NNT: variants seen among roughly 807,000 people sequenced by gnomAD.
NNT encodes NAD(P) transhydrogenase, mitochondrial.
A neutral mutation model predicts 104.8 loss-of-function variants in NNT; 50 were observed. The ratio of observed to expected loss-of-function variants is 0.48; its 90% CI spans 0.38 to 0.60. NNT has a LOEUF of 0.60. NNT is among the 20% of genes least tolerant of loss of function. The pLI is 0.00. For synonymous variants in NNT, 461 were observed against 490.4 expected, an observed-to-expected ratio of 0.94 and a Z score of 0.79; for missense variants, 1,131 against 1,330.7, an observed-to-expected ratio of 0.85 and a Z score of 2.33.
intron 20 of NNT, among the ~76,000 whole-genome samples, chr5:43,702,383 G>T (rs994361625): frequency 7.2e-5 from 11 of 152,144 alleles, no homozygotes; most frequent in African/African-American, 2.7e-4. Flanking sequence ...GCATAATAAT[G>T]CAGGCTGTAG....
rs2112272028 is a variant in NNT, at chr5:43,704,651, A to G, written c.*247A>G. On this transcript the variant is annotated 3_prime_UTR_variant, in exon 22 of 22. Coordinates refer to ENST00000344920, the MANE Select transcript of NNT (RefSeq NM_182977.3). ...ATTTTTTGTGTTAGGAATCAAAAGTATTTTATAAAAGGAGAAAGAACAGCC... is the reference window on the plus strand; with the variant it reads ...ATTTTTTGTGTTAGGAATCAAAAGTGTTTTATAAAAGGAGAAAGAACAGCC... The G allele has an allele frequency of 2.6e-6, 1 of 381,538 alleles. No homozygotes were observed. 23.6% of individuals were successfully genotyped at this position (381,538 alleles called of 1,614,324 possible).
intron 17 of NNT, among the ~76,000 whole-genome samples, 182 bp downstream of exon 17, chr5:43,659,532 C>T (rs1740243927): frequency 6.6e-6 from 1 of 151,998 alleles, no homozygotes; most frequent in African/African-American, 2.4e-5. Flanking sequence ...AGTTCAAGAC[C>T]AGCCTGCCCA....
At chr5:43,640,042 C>T (rs901376035) in intron 7 of NNT, among the ~76,000 whole-genome samples, 5 of 151,970 alleles carry the variant, frequency 3.3e-5, no homozygotes, top group African/African-American at 1.2e-4. Flanking sequence ...AAAAATGCCT[C>T]TCATCTGCCT....
chr5:43,636,036 A>G (rs1421781227), intron 7 of NNT, among the ~76,000 whole-genome samples: 1 of 152,168 alleles, frequency 6.6e-6, no homozygotes, highest in Non-Finnish European at 1.5e-5. Flanking sequence ...AGGAAGGGTC[A>G]TAGATTTAGA....
At chr5:43,615,237 T>C (rs941555380) in intron 3 of NNT, among the ~76,000 whole-genome samples, 1 of 152,278 alleles carries the variant, frequency 6.6e-6, no homozygotes, top group Admixed American at 6.5e-5. Flanking sequence ...ATTGACTTAG[T>C]TGATACTTCT....
At chr5:43,688,321 G>A (rs1178679592) in intron 19 of NNT, among the ~76,000 whole-genome samples, 1 of 152,130 alleles carries the variant, frequency 6.6e-6, no homozygotes, top group African/African-American at 2.4e-5. Context: ...TTGGGGTGAT[G>A]TAGCCCCCCC....
At chr5:43,699,620 CG>C (rs1742746974) in intron 19 of NNT, among the ~76,000 whole-genome samples, 2 of 152,070 alleles carry the variant, frequency 1.3e-5, no homozygotes, top group Non-Finnish European at 2.9e-5. Flanking sequence ...TTCCAAAGTG[CG>C]GGGATTACAG....
intron 18 of NNT, among the ~76,000 whole-genome samples, 153 bp downstream of exon 18, chr5:43,675,823 A>G (rs913482235): frequency 6.6e-6 from 1 of 152,234 alleles, no homozygotes; most frequent in African/African-American, 2.4e-5. Flanking sequence ...AGTGAAAAAT[A>G]CTGAGAATTC....
chr5:43,686,811 T>A (rs922852939), intron 19 of NNT, among the ~76,000 whole-genome samples: 2 of 152,118 alleles, frequency 1.3e-5, no homozygotes, highest in African/African-American at 4.8e-5. Flanking sequence ...ACAAACTACA[T>A]CACTTAAATC....
At chr5:43,635,285 G>T (rs368511342) in intron 7 of NNT, among the ~76,000 whole-genome samples, 35 of 152,136 alleles carry the variant, frequency 2.3e-4, no homozygotes, top group African/African-American at 8.0e-4. Flanking sequence ...GGTCATTTGG[G>T]ATTCGGGTTA....
intron 5 of NNT, among the ~76,000 whole-genome samples, chr5:43,621,016 G>A (rs1750059148): frequency 1.3e-5 from 2 of 152,332 alleles, no homozygotes; most frequent in East Asian, 1.9e-4. Flanking sequence ...CAGCTTAAGG[G>A]ACTTTGGTTA....
At chr5:43,614,488 T>C (rs1384663797) in intron 3 of NNT, among the ~76,000 whole-genome samples, 1 of 152,186 alleles carries the variant, frequency 6.6e-6, no homozygotes, top group African/African-American at 2.4e-5. Flanking sequence ...TTTTACTAAA[T>C]CTATGTTATA....
rs190700755 is a variant in NNT, at chr5:43,706,338, C to A, written c.*1934C>A. On this transcript the variant is annotated 3_prime_UTR_variant, in exon 22 of 22. Coordinates refer to ENST00000344920, the MANE Select transcript of NNT (RefSeq NM_182977.3). Reference sequence around the variant, plus strand: ...TTTTTATACATTCTATTTCATTATTCCTCTTTTTCCAATAAGTCATACAAT... The same window carrying A: ...TTTTTATACATTCTATTTCATTATTACTCTTTTTCCAATAAGTCATACAAT... The A allele has an allele frequency of 2.6e-4, 39 of 151,268 alleles. No homozygotes were observed. The highest frequency in any genetic ancestry group is 2.4e-5 in the African/African-American group (1 of 41,264). 9.4% of individuals were successfully genotyped at this position (151,268 alleles called of 1,614,324 possible). A position where few individuals can be genotyped will look rare whatever the true frequency, so the allele number is the denominator to read the frequency against.
chr5:43,605,154 T>C (rs1435539475), intron 1 of NNT, among the ~76,000 whole-genome samples: 1 of 152,214 alleles, frequency 6.6e-6, no homozygotes, highest in Non-Finnish European at 1.5e-5. Context: ...TCAAGGATTT[T>C]AATATCTAAT....
At chr5:43,641,707 A>C (rs1168558732) in intron 7 of NNT, among the ~76,000 whole-genome samples, 1 of 152,144 alleles carries the variant, frequency 6.6e-6, no homozygotes, top group Non-Finnish European at 1.5e-5. Context: ...ACTTAAGTAA[A>C]ATTTTAAACT....
intron 17 of NNT, 99 bp from the exon 18 acceptor site, chr5:43,675,412 C>G (rs1298218297): frequency 2.8e-6 from 3 of 1,085,144 alleles, no homozygotes; most frequent in African/African-American, 1.6e-5. Context: ...ATCAAATAAA[C>G]CTTTTAAAAT....
intron 17 of NNT, among the ~76,000 whole-genome samples, chr5:43,661,571 C>T (rs1740362216): frequency 8.4e-6 from 1 of 119,444 alleles, no homozygotes; most frequent in African/African-American, 3.2e-5. Flanking sequence ...TCCCCCCACC[C>T]CACCACAGTC....
At chr5:43,638,538 T>A (rs901400951) in intron 7 of NNT, among the ~76,000 whole-genome samples, 11 of 152,166 alleles carry the variant, frequency 7.2e-5, no homozygotes, top group Admixed American at 5.2e-4. Flanking sequence ...AAAACTGTCC[T>A]TGTCTGCCTA....
At chr5:43,608,111 A>G (rs1749320945) in intron 1 of NNT, among the ~76,000 whole-genome samples, 2 of 152,098 alleles carry the variant, frequency 1.3e-5, no homozygotes, top group African/African-American at 4.8e-5. Flanking sequence ...TTATATTTTT[A>G]GTAGAAACGG....
Sources: gnomAD v4.1 joint callset for allele counts (sites outside exome capture counted in the v4.1 genomes callset) on GRCh38, gnomAD v4.1.1 for gene constraint, MANE v1.5 for transcripts, NCBI Gene and HGNC (gene_info 2026-07-23, HGNC 2026-07-21) for gene names.